The following DPYSL3 variants were observed in gnomAD, a reference collection of about 807,000 sequenced individuals.
DPYSL3 encodes dihydropyrimidinase like 3.
A neutral mutation model predicts 66.1 loss-of-function variants in DPYSL3; 16 were observed. The ratio of observed to expected loss-of-function variants is 0.24; its 90% CI spans 0.16 to 0.37. DPYSL3 has a LOEUF of 0.37. DPYSL3 is among the 10% of genes least tolerant of loss of function. The probability of loss-of-function intolerance (pLI) is 1.00; values close to 1 mark genes in which losing one functional copy is unlikely to be tolerated. For synonymous variants in DPYSL3, 338 were observed against 345.1 expected (o/e 0.98, Z 0.23); for missense variants, 738 against 916.2 (o/e 0.81, Z 2.51).
At chr5:147,411,029 G>C (rs1014667907) in intron 6 of DPYSL3, among the ~76,000 whole-genome samples, 7 of 152,240 alleles carry the variant, frequency 4.6e-5, no homozygotes, top group Non-Finnish European at 1.0e-4. Context: ...CCTCCTCAGG[G>C]GCTAGAATTA....
At chr5:147,416,715 A>G (rs558977360) in intron 3 of DPYSL3, among the ~76,000 whole-genome samples, 23 of 152,292 alleles carry the variant, frequency 1.5e-4, no homozygotes, top group Admixed American at 5.2e-4. Flanking sequence ...TCCCACACCT[A>G]CGAATTATTC....
chr5:147,414,911 A>G (rs866009530), intron 4 of DPYSL3, among the ~76,000 whole-genome samples: 1 of 152,036 alleles, frequency 6.6e-6, no homozygotes, highest in African/African-American at 2.4e-5. Context: ...GTTGTTCTTC[A>G]TGAGCCTGTT....
chr5:147,502,018 G>A (rs1346980836), intron 1 of DPYSL3, among the ~76,000 whole-genome samples: 1 of 152,140 alleles, frequency 6.6e-6, no homozygotes, highest in African/African-American at 2.4e-5. Context: ...CATAATCTGT[G>A]TGGCTTATAA....
chr5:147,506,299 G>A (rs149348616), intron 1 of DPYSL3, among the ~76,000 whole-genome samples: 1 of 152,200 alleles, frequency 6.6e-6, no homozygotes, highest in Non-Finnish European at 1.5e-5. Context: ...AAATTAAATT[G>A]TACCAGCATA....
intron 1 of DPYSL3, among the ~76,000 whole-genome samples, chr5:147,501,367 C>T (rs1581220804): frequency 6.6e-6 from 1 of 151,742 alleles, no homozygotes; most frequent in African/African-American, 2.4e-5. Context: ...AAACTAATTC[C>T]TATAAGATAT....
At chr5:147,471,820 A>G (rs997831650) in intron 1 of DPYSL3, among the ~76,000 whole-genome samples, 1 of 152,184 alleles carries the variant, frequency 6.6e-6, no homozygotes, top group Non-Finnish European at 1.5e-5. Context: ...GAGAGAATAG[A>G]TTGAGATAAA....
chr5:147,413,655 C>A lies in DPYSL3; in HGVS notation c.823G>T (p.Val275Phe). 3 of 1,611,594 alleles carry A rather than the reference C, an allele frequency of 1.9e-6. No homozygotes were observed. Among genetic ancestry groups the A allele is most frequent in the Non-Finnish European group, 2.5e-6 (3 of 1,178,288 alleles). The change falls in exon 5 of 14, where the codon GTT becomes TTT. Residue 275 changes from valine to phenylalanine, a missense_variant and splice_region_variant. Physicochemically the swap from Val to Phe is conservative, Grantham distance 50 (BLOSUM62 -1). Transcript: ENST00000343218. ...EVQNLIKDKG[V>F]NSFMVYMAYK... ...GCCATATAAACCATGAAGGAGTTAA[C>A]CCCTGCAAAAGAGGGACAGGAGGAA...
intron 1 of DPYSL3, among the ~76,000 whole-genome samples, chr5:147,480,961 A>C (rs1178683746): frequency 2.6e-5 from 4 of 152,044 alleles, no homozygotes; most frequent in Non-Finnish European, 5.9e-5. Context: ...ACCTCAGGTG[A>C]TCCACCCACC....
At chr5:147,400,900 CT>C in intron 9 of DPYSL3, 67 bp from the exon 10 acceptor site, 1 of 1,566,138 alleles carries the variant, frequency 6.4e-7, no homozygotes, top group Non-Finnish European at 8.7e-7. Flanking sequence ...AGCTTAGAGT[CT>C]TGTGTTTACT....
intron 11 of DPYSL3, among the ~76,000 whole-genome samples, chr5:147,398,129 T>C (rs1758051884): frequency 6.6e-6 from 1 of 152,196 alleles, no homozygotes; most frequent in Non-Finnish European, 1.5e-5. Context: ...TGGATAACTA[T>C]CCAGGATGCT....
intron 1 of DPYSL3, among the ~76,000 whole-genome samples, chr5:147,499,178 T>C (rs1753566071): frequency 6.6e-6 from 1 of 152,214 alleles, no homozygotes; most frequent in Non-Finnish European, 1.5e-5. Flanking sequence ...ATAAAAGTTA[T>C]ACAGATGTGG....
At chr5:147,404,127 C>T (rs3805538) in intron 8 of DPYSL3, among the ~76,000 whole-genome samples, 13,902 of 152,082 alleles carry the variant, frequency 0.091, 1,661 homozygotes, top group African/African-American at 0.27. Context: ...TTTTTCTTTT[C>T]TTTGCTTTTC....
intron 1 of DPYSL3, among the ~76,000 whole-genome samples, chr5:147,468,726 G>A (rs1285140316): frequency 6.7e-6 from 1 of 150,088 alleles, no homozygotes; most frequent in African/African-American, 2.5e-5. Flanking sequence ...TTATATATAT[G>A]TATATATTTT....
Position 147,440,557 on chromosome 5 carries a change from C to G in DPYSL3, c.382-15594G>C, listed in dbSNP as rs1752513347. On this transcript the variant is annotated intron_variant, in intron 1 of 13. Transcript: ENST00000343218. ...GATGTCTTCACGGCCCACGGCACAT[C>G]ACTATGAACATTAATTCTTCATTAT... 2.6e-5 allele frequency among the ~76,000 whole-genome samples: 4 copies of G among 152,150 alleles called. No homozygotes were observed. In the South Asian group the frequency reaches 6.2e-4, roughly 24 times the overall value.
intron 10 of DPYSL3, among the ~76,000 whole-genome samples, chr5:147,399,471 G>A (rs1758106265): frequency 7.0e-6 from 1 of 141,942 alleles, no homozygotes; most frequent in Non-Finnish European, 1.6e-5. Context: ...TAAGATAGAA[G>A]TTACTGCCCC....
rs762494447 is a variant in DPYSL3, at chr5:147,399,072, C to T, written c.1623+10G>A. 1.7e-5 allele frequency: 28 copies of T among 1,613,234 alleles called. No homozygotes were observed. Among genetic ancestry groups the T allele is most frequent in the Non-Finnish European group, 2.2e-5 (26 of 1,179,656 alleles). The stretch of plus-strand genomic sequence containing the variant: ...CCATTCTACTCCACTCCCACCAGAG[C>T]GGGCCTTACAGACTGGTGGTTCTTG... On this transcript the variant is annotated intron_variant, in intron 11 of 13. Coordinates refer to ENST00000343218, the MANE Select transcript of DPYSL3 (RefSeq NM_001197294.2).
At chr5:147,426,718 T>C (rs764430350) in intron 1 of DPYSL3, among the ~76,000 whole-genome samples, 32 of 152,332 alleles carry the variant, frequency 2.1e-4, no homozygotes, top group Admixed American at 5.2e-4. Flanking sequence ...CCAGCTGACT[T>C]CTGGCTTCAG....
At chr5:147,467,227 A>G (rs1460376824) in intron 1 of DPYSL3, among the ~76,000 whole-genome samples, 1 of 152,206 alleles carries the variant, frequency 6.6e-6, no homozygotes, top group East Asian at 1.9e-4. Context: ...TAACAACCTG[A>G]AAAACCTTAG....
At chr5:147,464,007 T>A (rs1752972126) in intron 1 of DPYSL3, among the ~76,000 whole-genome samples, 1 of 151,454 alleles carries the variant, frequency 6.6e-6, no homozygotes, top group African/African-American at 2.5e-5. Context: ...AAACATCACA[T>A]GAGACCAATG....
Sources: gnomAD v4.1 joint callset for allele counts (sites outside exome capture counted in the v4.1 genomes callset) on GRCh38, gnomAD v4.1.1 for gene constraint, MANE v1.5 for transcripts, NCBI Gene and HGNC (gene_info 2026-07-23, HGNC 2026-07-21) for gene names.